SNTG1: variants seen among roughly 807,000 people sequenced by gnomAD.
The protein encoded by SNTG1 is gamma-1-syntrophin.
Under a neutral mutation model 74.7 loss-of-function variants are expected in SNTG1, and 39 were observed. The observed-to-expected ratio is 0.52, with a 90% CI of 0.40 to 0.68. The LOEUF (loss-of-function observed/expected upper bound fraction) is 0.68. Ranked by LOEUF, SNTG1 falls within the 30% of genes least tolerant of loss-of-function variation. The probability of loss-of-function intolerance (pLI) is 0.00; values close to 1 mark genes in which losing one functional copy is unlikely to be tolerated. For missense variants in SNTG1, 685 were observed against 609.5 expected, an observed-to-expected ratio of 1.12 and a Z score of -1.30; for synonymous variants, 254 against 217.1, an observed-to-expected ratio of 1.17 and a Z score of -1.49.
intron 2 of SNTG1, among the ~76,000 whole-genome samples, chr8:50,370,210 A>G (rs1414178087): frequency 1.3e-5 from 2 of 152,192 alleles, no homozygotes; most frequent in African/African-American, 4.8e-5. Context: ...AATGACATGA[A>G]AGATTCTGGG....
intron 2 of SNTG1, among the ~76,000 whole-genome samples, chr8:50,385,584 T>C (rs1257464679): frequency 2.5e-4 from 38 of 152,188 alleles, no homozygotes; most frequent in Admixed American, 2.5e-3. Context: ...CACTGTGGAA[T>C]CTTGTGGAAA....
At chr8:50,577,971 A>G (rs2094586498) in intron 12 of SNTG1, among the ~76,000 whole-genome samples, 1 of 152,202 alleles carries the variant, frequency 6.6e-6, no homozygotes, top group South Asian at 2.1e-4. Context: ...AGAAAATGGC[A>G]TTATGTTTAT....
At chr8:50,305,251 C>G (rs192295039) in intron 2 of SNTG1, among the ~76,000 whole-genome samples, 16 of 152,136 alleles carry the variant, frequency 1.1e-4, no homozygotes, top group Admixed American at 8.5e-4. Context: ...TGCATTTTCT[C>G]TTGGCATAAA....
intron 12 of SNTG1, among the ~76,000 whole-genome samples, chr8:50,586,477 A>C (rs908908977): frequency 6.6e-6 from 1 of 152,138 alleles, no homozygotes; most frequent in African/African-American, 2.4e-5. Flanking sequence ...TCCCCTCTGC[A>C]GCCTCCTTGG....
At chr8:50,654,068 T>C (rs2095165634) in intron 13 of SNTG1, among the ~76,000 whole-genome samples, 1 of 152,206 alleles carries the variant, frequency 6.6e-6, no homozygotes, top group South Asian at 2.1e-4. Context: ...TGTGCTTATA[T>C]TTATCTAGCT....
chr8:50,402,409 C>A, intron 4 of SNTG1, 65 bp downstream of exon 4: 1 of 1,502,280 alleles, frequency 6.7e-7, no homozygotes, highest in Non-Finnish European at 9.0e-7. Context: ...AATGTTTATT[C>A]ACAGGGCATT....
At chr8:50,030,986 T>G (rs1334960310) in intron 1 of SNTG1, among the ~76,000 whole-genome samples, 1 of 151,966 alleles carries the variant, frequency 6.6e-6, no homozygotes, top group African/African-American at 2.4e-5. Context: ...ATTTTTTAAT[T>G]TAGTTCTTAT....
rs1325831263 is a variant in SNTG1, at chr8:50,585,941, A to G, written c.811-4938A>G. ...TCCTAGAGAATGGTTGTAAACAGAAATGAAGGTATACTATGTCCAATTGAT... is the reference window on the plus strand; with the variant it reads ...TCCTAGAGAATGGTTGTAAACAGAAGTGAAGGTATACTATGTCCAATTGAT... On this transcript the variant is annotated intron_variant, in intron 12 of 18. Coordinates refer to ENST00000642720, the MANE Select transcript of SNTG1 (RefSeq NM_018967.5). Among the ~76,000 whole-genome samples the G allele has an allele frequency of 2.0e-5, 3 of 152,178 alleles. No homozygotes were observed. The East Asian group carries it at 5.8e-4, about 29-fold the overall frequency.
intron 8 of SNTG1, among the ~76,000 whole-genome samples, chr8:50,454,829 T>TAAAAAAAAAAAA (rs1158732952): frequency 2.1e-5 from 2 of 95,150 alleles, no homozygotes; most frequent in Admixed American, 1.3e-4. Flanking sequence ...CAGACAGAGC[T>TAAAAAAAAAAAA]AAAAAAAAAA....
At chr8:50,006,794 G>T (rs1815284133) in intron 1 of SNTG1, among the ~76,000 whole-genome samples, 1 of 152,152 alleles carries the variant, frequency 6.6e-6, no homozygotes, top group South Asian at 2.1e-4. Context: ...TTCTCACAAG[G>T]TGACTAAGAA....
At position 50,048,840 on chromosome 8, in the gene SNTG1, G is replaced by T. The variant is rs182380054; in HGVS notation, c.-102-123721G>T. ...TGATGTGAATAATGGCAGTTGCCAA[G>T]TAAGTTTTGCCTAATAGGACTGGGG... On this transcript the variant is annotated intron_variant, in intron 1 of 18. Coordinates refer to ENST00000642720, the MANE Select transcript of SNTG1 (RefSeq NM_018967.5). Among the ~76,000 whole-genome samples, 215 of 152,212 alleles carry T rather than the reference G, an allele frequency of 1.4e-3. 1 individual carries two copies. Among genetic ancestry groups the T allele is most frequent in the African/African-American group, 5.0e-3 (207 of 41,546 alleles).
rs575661947 is a variant in SNTG1, at chr8:50,741,976, T to A, written c.1285-10025T>A. ...TACACATTTGTTAAAATCCATAGTA[T>A]TTATAACACCAAAAGTGAACCCAAA... On this transcript the variant is annotated intron_variant, in intron 17 of 18. Transcript: ENST00000642720. Among the ~76,000 whole-genome samples the A allele has an allele frequency of 3.2e-4, 48 of 152,164 alleles. No homozygotes were observed. The Middle Eastern group carries it at 0.017, about 54-fold the overall frequency.
intron 8 of SNTG1, among the ~76,000 whole-genome samples, chr8:50,480,696 G>A (rs1383202494): frequency 6.6e-6 from 1 of 151,850 alleles, no homozygotes; most frequent in African/African-American, 2.4e-5. Flanking sequence ...GGTCAAATAG[G>A]GTTTTGTATT....
intron 2 of SNTG1, among the ~76,000 whole-genome samples, chr8:50,382,433 C>T (rs563773130): frequency 7.2e-5 from 11 of 152,000 alleles, no homozygotes; most frequent in African/African-American, 2.2e-4. Context: ...TATTTGGATA[C>T]AAGAGACGAA....
chr8:50,587,490 ACT>A (rs2094658042), intron 12 of SNTG1, among the ~76,000 whole-genome samples: 1 of 151,922 alleles, frequency 6.6e-6, no homozygotes, highest in South Asian at 2.1e-4. Flanking sequence ...CTTACTTTAT[ACT>A]CTCTGTGTGT....
intron 1 of SNTG1, among the ~76,000 whole-genome samples, chr8:50,155,700 TAGAA>T (rs1215935223): frequency 6.6e-6 from 1 of 151,952 alleles, no homozygotes; most frequent in African/African-American, 2.4e-5. Flanking sequence ...TTTTTTATAT[TAGAA>T]AGAATAAAAG....
intron 2 of SNTG1, among the ~76,000 whole-genome samples, chr8:50,320,812 T>G (rs2090499683): frequency 1.3e-5 from 2 of 152,160 alleles, no homozygotes; most frequent in South Asian, 2.1e-4. Context: ...TTCGTGTGTT[T>G]GTATAGTTTC....
At chr8:49,911,367 G>C (rs1050370714), upstream of SNTG1, 1 of 151,446 alleles carries the variant, frequency 6.6e-6, no homozygotes, top group Admixed American at 6.6e-5. Flanking sequence ...TGCCTCTCTC[G>C]TGCGTGTATG....
chr8:50,383,308 T>C lies in SNTG1; in HGVS notation c.-27-10904T>C, dbSNP rs954950894. On this transcript the variant is annotated intron_variant, in intron 2 of 18. Transcript: ENST00000642720. ...TCCCTAGAAGGGGATACAAAGGCCT[T>C]GAGTAATCTCCTTGATATGCTGTAA... Among the ~76,000 whole-genome samples, 3 of 152,168 alleles carry C rather than the reference T, an allele frequency of 2.0e-5. No homozygotes were observed. In the East Asian group the frequency reaches 5.8e-4, roughly 29 times the overall value.
Sources: allele counts gnomAD v4.1 joint callset (sites outside exome capture counted in the v4.1 genomes callset), GRCh38; gene constraint gnomAD v4.1.1; transcripts MANE v1.5; gene names NCBI Gene and HGNC (gene_info 2026-07-23, HGNC 2026-07-21).